The following DIAPH1 variants were observed in gnomAD, a reference collection of about 807,000 sequenced individuals.
DIAPH1 encodes the protein protein diaphanous homolog 1.
A neutral mutation model predicts 140.7 loss-of-function variants in DIAPH1; 46 were observed. The ratio of observed to expected loss-of-function variants is 0.33; its 90% CI spans 0.26 to 0.42. The LOEUF is 0.42. Among genes scored for constraint, DIAPH1 ranks in the 10% least tolerant of loss-of-function variants. DIAPH1 has a pLI of 1.00. For synonymous variants in DIAPH1, 565 were observed against 551.6 expected (o/e 1.02, Z -0.34); for missense variants, 1,310 against 1,558.7 (o/e 0.84, Z 2.69).
At chr5:141,557,818 G>A (rs1391530657) in intron 18 of DIAPH1, 1 of 152,268 alleles carries the variant, frequency 6.6e-6, no homozygotes, top group African/African-American at 2.4e-5. Flanking sequence ...CCTGCAGCAA[G>A]GTGTGTCCCT....
At chr5:141,524,328 CCT>C (rs2099886976) in intron 26 of DIAPH1, 99 bp from the exon 27 acceptor site, 2 of 1,125,468 alleles carry the variant, frequency 1.8e-6, no homozygotes, top group South Asian at 1.3e-5. Flanking sequence ...CTTGATTTCC[CCT>C]CTCCCACAGC....
intron 4 of DIAPH1, 37 bp downstream of exon 4, chr5:141,584,087 A>G: frequency 7.5e-7 from 1 of 1,332,878 alleles, no homozygotes; most frequent in Non-Finnish European, 1.1e-6. Flanking sequence ...ACAAGGGCAC[A>G]GTCTCCCATG....
At chr5:141,580,954 T>C in intron 7 of DIAPH1, 71 bp from the exon 8 acceptor site, 10 of 1,592,250 alleles carry the variant, frequency 6.3e-6, no homozygotes, top group African/African-American at 1.3e-5. Context: ...AGTTTACGGG[T>C]TGTTATGGGT....
intron 15 of DIAPH1, among the ~76,000 whole-genome samples, 166 bp from the exon 16 acceptor site, chr5:141,574,374 G>A (rs2099895643): frequency 1.3e-5 from 2 of 152,196 alleles, no homozygotes; most frequent in South Asian, 4.1e-4. Flanking sequence ...CGGCTTGGCA[G>A]CAGAGCCAAA....
intron 1 of DIAPH1, among the ~76,000 whole-genome samples, chr5:141,614,915 T>C (rs190883956): frequency 1.9e-4 from 29 of 152,342 alleles, no homozygotes; most frequent in Admixed American, 5.9e-4. Context: ...TGCAAACTTT[T>C]GGATTAAAGT....
rs751434760 is a variant in DIAPH1 at position 141,578,641 on chromosome 5, T to A, written c.934-16A>T. The A allele has an allele frequency of 1.8e-5, 28 of 1,592,804 alleles. No homozygotes were observed. The highest frequency in any genetic ancestry group is 2.2e-5 in the Non-Finnish European group (26 of 1,162,146). ...GGCATCCAACCTAAAATAAGAAAAT[T>A]CAGCAGCTATGTCAATGCTAACTCC... On this transcript the variant is annotated splice_polypyrimidine_tract_variant and intron_variant, in intron 9 of 27. Transcript: ENST00000389054.
At chr5:141,594,932 T>C (rs1320458843) in intron 1 of DIAPH1, among the ~76,000 whole-genome samples, 2 of 151,192 alleles carry the variant, frequency 1.3e-5, no homozygotes, top group Non-Finnish European at 2.9e-5. Context: ...TCCCAGCTAC[T>C]TGGGAGGCTG....
chr5:141,582,368 C>T lies in DIAPH1; in HGVS notation c.628G>A (p.Asp210Asn), dbSNP rs749058990. The change falls in exon 7 of 28, where the codon GAT becomes AAT. Residue 210 changes from aspartate to asparagine, a missense_variant. Coordinates refer to ENST00000389054, the MANE Select transcript of DIAPH1 (RefSeq NM_005219.5). Reference sequence around the variant, plus strand: ...ATGATCTCATGCTTGTTCCGGCTATCGTAACTCCTGTATATAGAAGACATA... The same window carrying T: ...ATGATCTCATGCTTGTTCCGGCTATTGTAACTCCTGTATATAGAAGACATA... ...DEKEETAGSYDSRNKHEIIRC... is the reference protein window; with the variant it reads ...DEKEETAGSYNSRNKHEIIRC... 1.7e-5 allele frequency: 27 copies of T among 1,612,270 alleles called. No individual in the cohort carries two copies. The highest frequency in any genetic ancestry group is 2.0e-5 in the Non-Finnish European group (24 of 1,178,466).
intron 2 of DIAPH1, chr5:141,587,544 G>T: frequency 3.4e-6 from 1 of 294,620 alleles, no homozygotes; most frequent in Non-Finnish European, 6.5e-6. Context: ...TCAATAAAAT[G>T]CCCTTTGTTT....
intron 18 of DIAPH1, among the ~76,000 whole-genome samples, chr5:141,559,903 T>C (rs1393255823): frequency 1.3e-5 from 2 of 152,200 alleles, no homozygotes; most frequent in Non-Finnish European, 2.9e-5. Flanking sequence ...AATTAAACAT[T>C]CAAAAACACA....
intron 1 of DIAPH1, among the ~76,000 whole-genome samples, chr5:141,606,722 T>G (rs1037437867): frequency 1.3e-5 from 2 of 150,790 alleles, no homozygotes; most frequent in African/African-American, 2.4e-5. Flanking sequence ...AACATAAGAG[T>G]TTTTTTTAAT....
intron 1 of DIAPH1, among the ~76,000 whole-genome samples, chr5:141,606,619 T>G (rs2099901009): frequency 6.6e-6 from 1 of 152,198 alleles, no homozygotes; most frequent in Non-Finnish European, 1.5e-5. Context: ...GGTCTTGAAC[T>G]CCTGGCCTCA....
At chr5:141,532,043 T>C (rs1467709124) in intron 19 of DIAPH1, among the ~76,000 whole-genome samples, 1 of 152,206 alleles carries the variant, frequency 6.6e-6, no homozygotes, top group Non-Finnish European at 1.5e-5. Flanking sequence ...TCTCACTCAT[T>C]TTCCTGATTT....
rs2099887801 is a variant in DIAPH1 at position 141,528,961 on chromosome 5, G to A, written c.2779-20C>T. On this transcript the variant is annotated intron_variant, in intron 21 of 27. Transcript: ENST00000389054. ...GCCCATCTAGTAAAGAACACAAGCA[G>A]TTCCATTACAGTCAAAAGAGGGGGA... The A allele has an allele frequency of 6.2e-7, 1 of 1,613,652 alleles. No homozygotes were observed. The highest frequency in any genetic ancestry group is 8.5e-7 in the Non-Finnish European group (1 of 1,180,040).
chr5:141,602,376 C>T (rs916295830), intron 1 of DIAPH1, among the ~76,000 whole-genome samples: 5 of 152,134 alleles, frequency 3.3e-5, no homozygotes, highest in African/African-American at 7.2e-5. Flanking sequence ...TCACCTCACT[C>T]GGCTAATTTT....
chr5:141,547,290 C>T (rs534541411), intron 18 of DIAPH1, among the ~76,000 whole-genome samples: 1 of 152,136 alleles, frequency 6.6e-6, no homozygotes, highest in Admixed American at 6.5e-5. Flanking sequence ...ACGGTGAAAC[C>T]CCATCTCTAC....
chr5:141,618,743 G>T, intron 1 of DIAPH1, 55 bp downstream of exon 1: 2 of 1,297,360 alleles, frequency 1.5e-6, no homozygotes, highest in Non-Finnish European at 1.1e-6. Context: ...CCGGCTGCAG[G>T]GGTCCAGAGG....
chr5:141,535,288 T>C (rs1291618486), intron 18 of DIAPH1, among the ~76,000 whole-genome samples: 1 of 152,118 alleles, frequency 6.6e-6, no homozygotes, highest in African/African-American at 2.4e-5. Flanking sequence ...TCTAAAAAAA[T>C]TTTGTTTTCT....
At chr5:141,607,025 C>T (rs2099901088) in intron 1 of DIAPH1, among the ~76,000 whole-genome samples, 1 of 146,686 alleles carries the variant, frequency 6.8e-6, no homozygotes, top group Non-Finnish European at 1.5e-5. Flanking sequence ...CCAAGGTTAA[C>T]ATTAAAACTA....
Sources: gnomAD v4.1 joint callset for allele counts (sites outside exome capture counted in the v4.1 genomes callset) on GRCh38, gnomAD v4.1.1 for gene constraint, MANE v1.5 for transcripts, NCBI Gene and HGNC (gene_info 2026-07-23, HGNC 2026-07-21) for gene names.